The following AGBL2 variants were observed in gnomAD, a reference collection of about 807,000 sequenced individuals.
AGBL2 encodes the protein cytosolic carboxypeptidase 2.
A neutral mutation model predicts 103.0 loss-of-function variants in AGBL2; 87 were observed. That is an observed-to-expected ratio of 0.84 (90% CI 0.71 to 1.01). AGBL2 has a LOEUF of 1.01. AGBL2 is among the 50% of genes least tolerant of loss of function. The pLI is 0.00. For missense variants in AGBL2, 904 were observed against 1,023.5 expected (o/e 0.88, Z 1.59); for synonymous variants, 335 against 356.7 (o/e 0.94, Z 0.69).
chr11:47,660,186 T>C lies in AGBL2; in HGVS notation c.2696A>G (p.Tyr899Cys), dbSNP rs1365952299. The change falls in exon 19 of 19, where the codon TAC (tyrosine) becomes TGC (cysteine). Residue 899 changes from tyrosine to cysteine, a missense_variant. Transcript: ENST00000525123. ...GCCCAGGCTCACCTACGGGTATGTG[T>C]ATATGTGCAAGGATGGGTATGCCGC... ...AMAAYPSLHI[Y>C]TYP 1.9e-6 allele frequency: 3 copies of C among 1,613,788 alleles called. No homozygotes were observed. Among genetic ancestry groups the C allele is most frequent in the Non-Finnish European group, 2.5e-6 (3 of 1,179,932 alleles).
chr11:47,710,332 T>C, intron 4 of AGBL2, 45 bp downstream of exon 4: 1 of 1,612,836 alleles, frequency 6.2e-7, no homozygotes, highest in Non-Finnish European at 8.5e-7. Flanking sequence ...GAGGAGTTAC[T>C]AGGCAATGAG....
At position 47,659,961 on chromosome 11, in the gene AGBL2, T is replaced by C; in HGVS notation, c.*212A>G. 2.3e-6 allele frequency: 1 copy of C among 433,396 alleles called. No homozygotes were observed. The highest frequency in any genetic ancestry group is 4.0e-6 in the Non-Finnish European group (1 of 252,878). The allele number at this position is 433,396 out of a possible 1,614,324, so 26.8% of individuals were successfully genotyped here. A position where few individuals can be genotyped will look rare whatever the true frequency, so the allele number is the denominator to read the frequency against. On this transcript the variant is annotated 3_prime_UTR_variant, in exon 19 of 19. Transcript: ENST00000525123. Reference sequence around the variant, plus strand: ...AGCATTTTTACACATCATAATAAAATTTCATTTTATGAAAAAATAGTTGAA... The same window carrying C: ...AGCATTTTTACACATCATAATAAAACTTCATTTTATGAAAAAATAGTTGAA...
Position 47,705,916 on chromosome 11 carries a change from C to G in AGBL2, c.234G>C (p.Trp78Cys), listed in dbSNP as rs780042743. ...GCACAGCTGAAGATAAACTGATAGG[C>G]CCTAGAAAGAGGAAGAGGAGGCACC... is the stretch of plus-strand genomic sequence containing the variant. ...PDTLQKEKLL[W>C]PISLSSAVHR... is the part of the protein sequence containing the mutation. Residue 78 changes from tryptophan to cysteine, a missense_variant and splice_region_variant, in exon 5 of 19, where the codon TGG (tryptophan) becomes TGC (cysteine). Trp to Cys is a radical substitution (Grantham distance 215). Transcript: ENST00000525123. 3.1e-6 allele frequency: 5 copies of G among 1,613,946 alleles called. No homozygotes were observed. The South Asian group carries it at 5.5e-5, about 18-fold the overall frequency.
chr11:47,669,488 G>A (rs1170878559), intron 14 of AGBL2, among the ~76,000 whole-genome samples: 4 of 151,730 alleles, frequency 2.6e-5, no homozygotes, highest in African/African-American at 4.8e-5. Flanking sequence ...GAGACCACCC[G>A]GACTAACATG....
At chr11:47,661,980 C>T (rs951698964) in intron 18 of AGBL2, among the ~76,000 whole-genome samples, 1 of 151,826 alleles carries the variant, frequency 6.6e-6, no homozygotes, top group Admixed American at 6.6e-5. Flanking sequence ...AACTCCTGAC[C>T]TCAGGTTATC....
At position 47,699,307 on chromosome 11, in the gene AGBL2, T is replaced by G. The variant is rs1283432870; in HGVS notation, c.694+139A>C. ...GCAGCAGACTGGTTATGACTCCTCC[T>G]CCAGGCTCCCACTCATGTTGGCCTG... On this transcript the variant is annotated intron_variant, in intron 8 of 18. Coordinates refer to ENST00000525123, the MANE Select transcript of AGBL2 (RefSeq NM_024783.4). 7 of 482,626 alleles carry G rather than the reference T, an allele frequency of 1.5e-5. No homozygotes were observed. In the South Asian group the frequency reaches 3.5e-4, roughly 24 times the overall value. The allele number at this position is 482,626 out of a possible 1,614,324, so 29.9% of individuals were successfully genotyped here.
chr11:47,682,092 A>G lies in AGBL2; in HGVS notation c.1792T>C (p.Ser598Pro), dbSNP rs1270086148. Residue 598 changes from serine (S) to proline (P), a missense_variant, in exon 12 of 19, where the codon TCT becomes CCT. Ser to Pro is a moderately conservative substitution (Grantham distance 74). Coordinates refer to ENST00000525123, the MANE Select transcript of AGBL2 (RefSeq NM_024783.4). The part of the protein sequence containing the change: ...MLCKNAPDKF[S>P]FHSCNFKVQK... The stretch of plus-strand genomic sequence containing the variant: ...ACCTTAAAATTACAACTGTGAAAAG[A>G]GAACTAAAAAGAAATCCAAATTTTC... The G allele has an allele frequency of 6.2e-7, 1 of 1,612,670 alleles. No homozygotes were observed. Among genetic ancestry groups the G allele is most frequent in the South Asian group, 1.1e-5 (1 of 90,874 alleles).
intron 11 of AGBL2, among the ~76,000 whole-genome samples, chr11:47,684,175 A>G (rs2097414100): frequency 6.6e-6 from 1 of 152,132 alleles, no homozygotes; most frequent in Non-Finnish European, 1.5e-5. Flanking sequence ...CGGGAGGCTG[A>G]GGCAGGAGAA....
chr11:47,692,200 C>T lies in AGBL2; in HGVS notation c.751G>A (p.Val251Ile), dbSNP rs780432154. The T allele has an allele frequency of 2.5e-6, 4 of 1,613,766 alleles. No individual in the cohort carries two copies. Among genetic ancestry groups the T allele is most frequent in the Non-Finnish European group, 3.4e-6 (4 of 1,179,902 alleles). ...SSRVGGKRGI[V>I]KELAVTLQGP... ...TGCAACGTGACAGCAAGTTCCTTGA[C>T]AATTCCTCGTTTGCCTCCCACTCTG... Residue 251 changes from valine to isoleucine, a missense_variant, in exon 9 of 19, where the codon GTC becomes ATC. Physicochemically the swap from Val to Ile is conservative, Grantham distance 29 (BLOSUM62 3). Transcript: ENST00000525123.
intron 14 of AGBL2, among the ~76,000 whole-genome samples, chr11:47,670,608 C>T (rs58357937): frequency 0.12 from 18,972 of 151,828 alleles, 1,718 homozygotes; most frequent in East Asian, 0.3. Flanking sequence ...ATAATCCCCA[C>T]ACTTTGGGAG....
At chr11:47,662,104 T>G (rs1382005787) in intron 18 of AGBL2, among the ~76,000 whole-genome samples, 1 of 152,196 alleles carries the variant, frequency 6.6e-6, no homozygotes, top group Non-Finnish European at 1.5e-5. Context: ...CAAATGAGCA[T>G]GATGAATGTT....
intron 17 of AGBL2, among the ~76,000 whole-genome samples, chr11:47,664,219 G>A (rs2097335237): frequency 6.6e-6 from 1 of 152,020 alleles, no homozygotes; most frequent in African/African-American, 2.4e-5. Flanking sequence ...TATCCCCTAA[G>A]AATCAGCTAC....
At chr11:47,703,723 C>T (rs1019371875) in intron 7 of AGBL2, among the ~76,000 whole-genome samples, 13 of 150,866 alleles carry the variant, frequency 8.6e-5, no homozygotes, top group Middle Eastern at 3.2e-3. Flanking sequence ...TTGGGGAGTT[C>T]GAGACCAGAC....
At chr11:47,660,485 A>G (rs890243777) in intron 18 of AGBL2, 139 bp from the exon 19 acceptor site, 39 of 762,030 alleles carry the variant, frequency 5.1e-5, no homozygotes, top group East Asian at 1.1e-4. Context: ...GTAGTTGACA[A>G]TGTTACAGAA....
rs1435151553 is a variant in AGBL2 at position 47,697,530 on chromosome 11, G to A, written c.694+1916C>T. ...TGGGATTACAGGCGTGAGCCACCTC[G>A]CCAAGCCTACTTTTTTTTTTTTTTT... On this transcript the variant is annotated intron_variant, in intron 8 of 18. Coordinates refer to ENST00000525123, the MANE Select transcript of AGBL2 (RefSeq NM_024783.4). 6.0e-5 allele frequency among the ~76,000 whole-genome samples: 8 copies of A among 133,276 alleles called. 1 individual carries two copies. The highest frequency in any genetic ancestry group is 4.8e-4 in the South Asian group (2 of 4,178). The allele number at this position is 133,276 out of a possible 152,430, so 87.4% of individuals were successfully genotyped here.
chr11:47,710,573 G>A (rs2097533916), intron 3 of AGBL2, 62 bp from the exon 4 acceptor site: 1 of 1,592,098 alleles, frequency 6.3e-7, no homozygotes, highest in Non-Finnish European at 8.6e-7. Context: ...TAACATCTAG[G>A]TCAATACCAA....
chr11:47,660,548 T>C (rs1334551426), intron 18 of AGBL2, among the ~76,000 whole-genome samples: 1 of 138,266 alleles, frequency 7.2e-6, no homozygotes, highest in Non-Finnish European at 1.5e-5. Flanking sequence ...AAGGTCAACA[T>C]GAGACACATT....
chr11:47,710,183 C>A (rs150045003), intron 4 of AGBL2, 194 bp downstream of exon 4: 49 of 641,454 alleles, frequency 7.6e-5, no homozygotes, highest in Non-Finnish European at 1.1e-4. Flanking sequence ...TCACCATGCC[C>A]GGCTAGAAAA....
intron 14 of AGBL2, among the ~76,000 whole-genome samples, chr11:47,673,432 C>A (rs1185751267): frequency 2.0e-5 from 3 of 151,880 alleles, no homozygotes; most frequent in Non-Finnish European, 4.4e-5. Context: ...TCGAGACCAG[C>A]CTGACCAATA....
Sources: gnomAD v4.1 joint callset for allele counts (sites outside exome capture counted in the v4.1 genomes callset) on GRCh38, gnomAD v4.1.1 for gene constraint, MANE v1.5 for transcripts, NCBI Gene and HGNC (gene_info 2026-07-23, HGNC 2026-07-21) for gene names.